The following NCOA7 variants were observed in gnomAD, a reference collection of about 807,000 sequenced individuals.
The protein encoded by NCOA7 is 140 kDa estrogen receptor-associated protein.
A neutral mutation model predicts 104.3 loss-of-function variants in NCOA7; 45 were observed. That is an observed-to-expected ratio of 0.43 (90% confidence interval 0.34 to 0.55). NCOA7 has a LOEUF of 0.55. Among genes scored for constraint, NCOA7 ranks in the 20% least tolerant of loss-of-function variants. The pLI is 0.02. For missense variants in NCOA7, 1,041 were observed against 1,119.7 expected (o/e 0.93, Z 1.00); for synonymous variants, 398 against 402.3 (o/e 0.99, Z 0.13).
At chr6:125,792,688 C>T (rs142812684) in intron 1 of NCOA7, among the ~76,000 whole-genome samples, 94 of 151,884 alleles carry the variant, frequency 6.2e-4, no homozygotes, top group African/African-American at 2.0e-3. Flanking sequence ...TATAGAAACA[C>T]ATCAGTTTCC....
intron 1 of NCOA7, among the ~76,000 whole-genome samples, chr6:125,806,592 C>A (rs540571943): frequency 5.3e-5 from 8 of 152,056 alleles, no homozygotes; most frequent in African/African-American, 1.9e-4. Context: ...TTTCCTGGGG[C>A]ATTTTGGTTG....
chr6:125,847,140 T>TTG (rs753360349), intron 2 of NCOA7, among the ~76,000 whole-genome samples: 2 of 151,988 alleles, frequency 1.3e-5, no homozygotes, highest in South Asian at 2.1e-4. Flanking sequence ...TAAAAAGTAT[T>TTG]TGTGTGTGTG....
At chr6:125,881,598 G>T (rs1305930932) in intron 6 of NCOA7, among the ~76,000 whole-genome samples, 1 of 151,428 alleles carries the variant, frequency 6.6e-6, no homozygotes. Flanking sequence ...TTGAGCCTGG[G>T]AGGTTGAGGC....
At chr6:125,811,730 G>T (rs566360176) in intron 1 of NCOA7, among the ~76,000 whole-genome samples, 2 of 152,072 alleles carry the variant, frequency 1.3e-5, no homozygotes, top group South Asian at 2.1e-4. Flanking sequence ...TCGAATTCTT[G>T]AATGAGTACT....
At chr6:125,840,190 CA>C (rs1429826842) in intron 2 of NCOA7, among the ~76,000 whole-genome samples, 2 of 151,014 alleles carry the variant, frequency 1.3e-5, no homozygotes, top group African/African-American at 4.9e-5. Flanking sequence ...AAAAGTAAAA[CA>C]AAAAAGTTAA....
chr6:125,846,590 G>A (rs1316466261), intron 2 of NCOA7, among the ~76,000 whole-genome samples: 1 of 152,140 alleles, frequency 6.6e-6, no homozygotes, highest in Non-Finnish European at 1.5e-5. Flanking sequence ...TTCTGTGAGT[G>A]CACAATCCAT....
In NCOA7 at chr6:125,878,386, C is replaced by G. The variant is rs766260441; in HGVS notation, c.459+16C>G. On this transcript the variant is annotated intron_variant, in intron 5 of 15. Coordinates refer to ENST00000392477, the MANE Select transcript of NCOA7 (RefSeq NM_181782.5). ...TCCAGGCCAGGTAATTATACTCTTA[C>G]TGGATATAACTCTAGAAATTCTGCA... 6 of 1,539,100 alleles carry G rather than the reference C, an allele frequency of 3.9e-6. No homozygotes were observed. The highest frequency in any genetic ancestry group is 2.8e-5 in the African/African-American group (2 of 72,558).
chr6:125,873,725 C>G (rs1473082497), intron 3 of NCOA7, among the ~76,000 whole-genome samples: 1 of 152,178 alleles, frequency 6.6e-6, no homozygotes, highest in Non-Finnish European at 1.5e-5. Context: ...AATGACTGAA[C>G]AGTTTACATT....
At chr6:125,925,851 A>G (rs1787976274) in intron 13 of NCOA7, among the ~76,000 whole-genome samples, 1 of 152,226 alleles carries the variant, frequency 6.6e-6, no homozygotes, top group Admixed American at 6.5e-5. Context: ...AGGCTGAACA[A>G]CACTATTATA....
rs982452614 is a variant in NCOA7, at chr6:125,784,983, T to C, written c.-141-1154T>C. Among the ~76,000 whole-genome samples the C allele has an allele frequency of 2.5e-5, 3 of 120,082 alleles. No individual in the cohort carries two copies. The South Asian group carries it at 7.8e-4, about 31-fold the overall frequency. The allele number at this position is 120,082 out of a possible 152,430, so 78.8% of individuals were successfully genotyped here. A position where few individuals can be genotyped will look rare whatever the true frequency, so the allele number is the denominator to read the frequency against. On this transcript the variant is annotated intron_variant, in intron 1 of 16. Transcript: ENST00000368357. ...TGATACAAGATATGATAATGTTGCATATAAACACACACACACACACACACA... is the reference window on the plus strand; with the variant it reads ...TGATACAAGATATGATAATGTTGCACATAAACACACACACACACACACACA...
chr6:125,853,308 A>C (rs556603675), intron 2 of NCOA7, among the ~76,000 whole-genome samples: 1 of 152,278 alleles, frequency 6.6e-6, no homozygotes, highest in Admixed American at 6.5e-5. Flanking sequence ...CTTATGAAGG[A>C]GTCTTCAGGG....
At chr6:125,911,154 C>T (rs960391249) in intron 10 of NCOA7, among the ~76,000 whole-genome samples, 6 of 152,148 alleles carry the variant, frequency 3.9e-5, no homozygotes, top group African/African-American at 1.4e-4. Context: ...ATGTGGAGGT[C>T]AAAAGAGCAC....
At chr6:125,823,418 C>G (rs994828813) in intron 2 of NCOA7, among the ~76,000 whole-genome samples, 1 of 152,114 alleles carries the variant, frequency 6.6e-6, no homozygotes, top group Admixed American at 6.5e-5. Flanking sequence ...TATTTCAAAA[C>G]CATTTTCTAT....
chr6:125,858,084 G>A (rs1286080734), intron 3 of NCOA7, among the ~76,000 whole-genome samples: 1 of 151,926 alleles, frequency 6.6e-6, no homozygotes, highest in Non-Finnish European at 1.5e-5. Flanking sequence ...CCCTGTCCAG[G>A]TTAGACTTCC....
At chr6:125,872,757 A>G (rs551231643) in intron 3 of NCOA7, among the ~76,000 whole-genome samples, 1 of 152,334 alleles carries the variant, frequency 6.6e-6, no homozygotes, top group African/African-American at 2.4e-5. Context: ...CTGTCATAAG[A>G]TTCGTAAAAT....
At chr6:125,826,859 C>T (rs1443428904) in intron 2 of NCOA7, among the ~76,000 whole-genome samples, 1 of 152,026 alleles carries the variant, frequency 6.6e-6, no homozygotes, top group Non-Finnish European at 1.5e-5. Flanking sequence ...CTGACAAGGG[C>T]CTGCATGCTG....
At chr6:125,894,410 G>T (rs1356604297) in intron 10 of NCOA7, among the ~76,000 whole-genome samples, 1 of 152,160 alleles carries the variant, frequency 6.6e-6, no homozygotes, top group African/African-American at 2.4e-5. Context: ...TTTCACTACT[G>T]TCCCCTTCCC....
At chr6:125,804,660 T>C (rs1776259422) in intron 1 of NCOA7, among the ~76,000 whole-genome samples, 1 of 152,222 alleles carries the variant, frequency 6.6e-6, no homozygotes, top group South Asian at 2.1e-4. Context: ...GCATTCAATA[T>C]ATTAAAAATA....
chr6:125,917,892 G>A (rs1023391689), intron 11 of NCOA7, among the ~76,000 whole-genome samples: 25 of 152,216 alleles, frequency 1.6e-4, no homozygotes, highest in South Asian at 6.2e-4. Flanking sequence ...CTTGTGCGCA[G>A]TAAATCTGCA....
Sources: gnomAD v4.1 joint callset for allele counts (sites outside exome capture counted in the v4.1 genomes callset) on GRCh38, gnomAD v4.1.1 for gene constraint, MANE v1.5 for transcripts, NCBI Gene and HGNC (gene_info 2026-07-23, HGNC 2026-07-21) for gene names.